CIMIP5: variants seen among roughly 807,000 people sequenced by gnomAD.
CIMIP5 encodes the protein uncharacterized protein C2orf50.
At chr2:11,133,510 AG>A in the CIMIP5 span, 1 of 1,608,498 alleles carries the variant, frequency 6.2e-7, no homozygotes, top group African/African-American at 1.3e-5. Context: ...CGGGTGGCTC[AG>A]GGAGCTGCCT....
the CIMIP5 span, among the ~76,000 whole-genome samples, chr2:11,154,156 T>C: frequency 1.3e-5 from 2 of 151,994 alleles, no homozygotes; most frequent in Non-Finnish European, 2.9e-5. Context: ...TTTGTATTTT[T>C]AGTAGAGGCG....
At chr2:11,144,012 G>C in the CIMIP5 span, 1 of 1,607,540 alleles carries the variant, frequency 6.2e-7, no homozygotes, top group Non-Finnish European at 8.5e-7. Context: ...TGGGCAGCAG[G>C]CTGGACACAC....
chr2:11,145,462 C>A, the CIMIP5 span: 9 of 151,322 alleles, frequency 5.9e-5, no homozygotes, highest in Admixed American at 6.5e-5. Context: ...TATATCACAA[C>A]CTTTATATTT....
At chr2:11,135,994 G>A in the CIMIP5 span, among the ~76,000 whole-genome samples, 3 of 152,226 alleles carry the variant, frequency 2.0e-5, no homozygotes, top group East Asian at 1.9e-4. Flanking sequence ...TTGGTGCTAC[G>A]AAGTTGTAGA....
chr2:11,152,582 A>G, the CIMIP5 span, among the ~76,000 whole-genome samples: 1 of 152,150 alleles, frequency 6.6e-6, no homozygotes, highest in Non-Finnish European at 1.5e-5. Context: ...GAGTGGGGTT[A>G]GGGTCCTGTA....
At chr2:11,146,867 C>A in the CIMIP5 span, 1 of 152,256 alleles carries the variant, frequency 6.6e-6, no homozygotes, top group African/African-American at 2.4e-5. Context: ...GCTGGAGGCT[C>A]CTTAAAGACC....
At chr2:11,151,443 T>C in the CIMIP5 span, among the ~76,000 whole-genome samples, 2 of 152,346 alleles carry the variant, frequency 1.3e-5, no homozygotes, top group Non-Finnish European at 2.9e-5. Context: ...CTCAATTCCA[T>C]GTTCCCACGT....
At chr2:11,144,615 T>C in the CIMIP5 span, 2 of 152,278 alleles carry the variant, frequency 1.3e-5, no homozygotes, top group Non-Finnish European at 2.9e-5. Context: ...ATGGGTGACA[T>C]GTTGCAGAGC....
chr2:11,153,252 C>T, the CIMIP5 span, among the ~76,000 whole-genome samples: 5 of 152,196 alleles, frequency 3.3e-5, no homozygotes, highest in Admixed American at 6.5e-5. Flanking sequence ...CCAGAGCAGG[C>T]GGCTGCAGTG....
At chr2:11,151,518 A>G in the CIMIP5 span, among the ~76,000 whole-genome samples, 1 of 152,246 alleles carries the variant, frequency 6.6e-6, no homozygotes, top group Non-Finnish European at 1.5e-5. Flanking sequence ...TTATCAAGAC[A>G]GGGGAAAGAG....
At chr2:11,144,109 T>G in the CIMIP5 span, 1 of 1,581,544 alleles carries the variant, frequency 6.3e-7, no homozygotes, top group East Asian at 2.3e-5. Context: ...GCAGCCCATC[T>G]AGGAGCAAGG....
At chr2:11,133,968 G>A in the CIMIP5 span, among the ~76,000 whole-genome samples, 1 of 152,090 alleles carries the variant, frequency 6.6e-6, no homozygotes. Flanking sequence ...AAATACCCAT[G>A]AGCCGCTCTG....
the CIMIP5 span, chr2:11,144,123 G>A: frequency 6.4e-7 from 1 of 1,558,182 alleles, no homozygotes; most frequent in South Asian, 1.2e-5. Flanking sequence ...AGCAAGGAGG[G>A]CTGGGCTGGC....
the CIMIP5 span, among the ~76,000 whole-genome samples, chr2:11,150,373 C>T: frequency 6.6e-6 from 1 of 151,624 alleles, no homozygotes; most frequent in African/African-American, 2.4e-5. Context: ...CGCTCTATCA[C>T]CCAGGCTGGA....
chr2:11,138,906 T>A, the CIMIP5 span, among the ~76,000 whole-genome samples: 1 of 151,886 alleles, frequency 6.6e-6, no homozygotes, highest in African/African-American at 2.4e-5. Flanking sequence ...TTCTTTTTTT[T>A]ATTTTTATTT....
At chr2:11,154,102 G>A in the CIMIP5 span, among the ~76,000 whole-genome samples, 3 of 152,034 alleles carry the variant, frequency 2.0e-5, no homozygotes, top group East Asian at 5.9e-4. Context: ...TCAGCCTCCC[G>A]AGTAGCTGGG....
At chr2:11,142,750 C>T in the CIMIP5 span, among the ~76,000 whole-genome samples, 4 of 132,196 alleles carry the variant, frequency 3.0e-5, no homozygotes, top group African/African-American at 1.2e-4. Flanking sequence ...GATACGGTCT[C>T]ACTCTGTTGC....
chr2:11,143,647 ACCTGATCC>A, the CIMIP5 span, among the ~76,000 whole-genome samples: 1 of 151,894 alleles, frequency 6.6e-6, no homozygotes, highest in Non-Finnish European at 1.5e-5. Context: ...GGGGAATAAG[ACCTGATCC>A]TTCCCTTGAT....
the CIMIP5 span, among the ~76,000 whole-genome samples, chr2:11,137,826 A>G: frequency 2.0e-5 from 3 of 152,160 alleles, no homozygotes; most frequent in African/African-American, 7.2e-5. Context: ...GGAGGTGTCT[A>G]AGAAAGGTTT....
Sources: allele counts gnomAD v4.1 joint callset (sites outside exome capture counted in the v4.1 genomes callset), GRCh38; gene constraint gnomAD v4.1.1; transcripts MANE v1.5; gene names NCBI Gene and HGNC (gene_info 2026-07-23, HGNC 2026-07-21).